Variants in ANKRD13A observed in about 807,000 individuals in gnomAD.
ANKRD13A encodes ankyrin repeat domain-containing protein 13A.
ANKRD13A carries 48 observed loss-of-function variants against 81.3 expected under a neutral mutation model. That is an observed-to-expected ratio of 0.59 (90% CI 0.47 to 0.75). ANKRD13A has a LOEUF of 0.75. Ranked by LOEUF, ANKRD13A falls within the 30% of genes least tolerant of loss-of-function variation. The pLI is 0.00. For missense variants in ANKRD13A, 612 were observed against 734.0 expected, an observed-to-expected ratio of 0.83 and a Z score of 1.92; for synonymous variants, 230 against 270.1, an observed-to-expected ratio of 0.85 and a Z score of 1.45.
At position 110,037,692 on chromosome 12, in the gene ANKRD13A, G is replaced by C. The variant is rs1892148518; in HGVS notation, c.*138G>C. On this transcript the variant is annotated 3_prime_UTR_variant, in exon 15 of 15. Coordinates refer to ENST00000261739, the MANE Select transcript of ANKRD13A (RefSeq NM_033121.2). ...AACAACTGCCCCTTCTTTATGCAGA[G>C]GTGCAGAACCAGGGACTCCTGGGCC... 1 of 878,786 alleles carries C rather than the reference G, an allele frequency of 1.1e-6. No individual in the cohort carries two copies. Among genetic ancestry groups the C allele is most frequent in the Admixed American group, 2.9e-5 (1 of 33,936 alleles). The allele number at this position is 878,786 out of a possible 1,614,324, so 54.4% of individuals were successfully genotyped here.
chr12:109,999,546 C>G lies in ANKRD13A; in HGVS notation c.-143C>G. 1.9e-6 allele frequency: 1 copy of G among 539,916 alleles called. No homozygotes were observed. The highest frequency in any genetic ancestry group is 2.8e-6 in the Non-Finnish European group (1 of 361,192). The allele number at this position is 539,916 out of a possible 1,614,324, so 33.4% of individuals were successfully genotyped here. On this transcript the variant is annotated 5_prime_UTR_variant, in exon 1 of 15. Coordinates refer to ENST00000261739, the MANE Select transcript of ANKRD13A (RefSeq NM_033121.2). The surrounding 1 kb of genome is among the most constrained non-coding windows in gnomAD (Gnocchi z 4.3). ...CCCGGACCTCCCGCGCGCCCCGCACCCGACCGGCTCAGCCGGCCGGCAGCG... is the reference window on the plus strand; with the variant it reads ...CCCGGACCTCCCGCGCGCCCCGCACGCGACCGGCTCAGCCGGCCGGCAGCG...
Position 109,999,799 on chromosome 12 carries a change from G to A in ANKRD13A, c.96+15G>A. 6.6e-7 allele frequency: 1 copy of A among 1,525,458 alleles called. No homozygotes were observed. The highest frequency in any genetic ancestry group is 1.4e-5 in the African/African-American group (1 of 71,674). 94.5% of individuals were successfully genotyped at this position (1,525,458 alleles called of 1,614,324 possible). A position where few individuals can be genotyped will look rare whatever the true frequency, so the allele number is the denominator to read the frequency against. On this transcript the variant is annotated intron_variant, in intron 1 of 14. Transcript: ENST00000261739. This position sits in a 1 kb window ranked among gnomAD's most constrained non-coding sequence, Gnocchi z 4.3. ...TGCAGGGCCAGGTGAGGGGCGGGGCGGGGGTCCGTCTCCCGGTGGGGACTT... is the reference window on the plus strand; with the variant it reads ...TGCAGGGCCAGGTGAGGGGCGGGGCAGGGGTCCGTCTCCCGGTGGGGACTT...
chr12:110,037,883 AAAT>A lies in ANKRD13A; in HGVS notation c.*330_*332del, dbSNP rs1462934358. The A allele has an allele frequency of 5.3e-6, 1 of 188,932 alleles. No individual in the cohort carries two copies. Among genetic ancestry groups the A allele is most frequent in the African/African-American group, 2.3e-5 (1 of 42,710 alleles). 11.7% of individuals were successfully genotyped at this position (188,932 alleles called of 1,614,324 possible). A position where few individuals can be genotyped will look rare whatever the true frequency, so the allele number is the denominator to read the frequency against. ...CCCCAATCCCCGCAGGTTTGTAGATAAATTTTTATCAAGGAGTGATAACAAGAC... is the reference window on the plus strand; with the variant it reads ...CCCCAATCCCCGCAGGTTTGTAGATATTTTATCAAGGAGTGATAACAAGAC... On this transcript the variant is annotated 3_prime_UTR_variant, in exon 15 of 15. Coordinates refer to ENST00000261739, the MANE Select transcript of ANKRD13A (RefSeq NM_033121.2).
At chr12:110,037,039 G>A (rs776615008) in intron 14 of ANKRD13A, among the ~76,000 whole-genome samples, 4 of 152,308 alleles carry the variant, frequency 2.6e-5, no homozygotes, top group Admixed American at 1.3e-4. Flanking sequence ...GGGAAAAACC[G>A]CGAGGATTCA....
At chr12:110,019,694 G>A (rs56249481) in intron 6 of ANKRD13A, among the ~76,000 whole-genome samples, 9 of 152,210 alleles carry the variant, frequency 5.9e-5, no homozygotes, top group Non-Finnish European at 1.3e-4. Flanking sequence ...AGTTTCTGGA[G>A]GTTAGAATTG....
chr12:110,005,500 C>T (rs1288799811), intron 1 of ANKRD13A, among the ~76,000 whole-genome samples: 3 of 152,196 alleles, frequency 2.0e-5, no homozygotes, highest in Non-Finnish European at 4.4e-5. Flanking sequence ...CTCCCCAACC[C>T]CTCCAGCCCA....
intron 10 of ANKRD13A, chr12:110,029,072 T>A (rs1001251619): frequency 1.7e-5 from 3 of 177,812 alleles, no homozygotes; most frequent in Non-Finnish European, 3.6e-5. Context: ...ATTTTAAAAT[T>A]ACTTTGCCAT....
intron 4 of ANKRD13A, among the ~76,000 whole-genome samples, chr12:110,017,783 T>C (rs919660765): frequency 2.0e-5 from 3 of 151,984 alleles, no homozygotes; most frequent in Admixed American, 1.3e-4. Context: ...AATACAAAAA[T>C]TAGCCGGGCA....
rs1889843637 is a variant in ANKRD13A at position 109,999,720 on chromosome 12, AC to A, written c.37del (p.Leu13CysfsTer4). 1.3e-6 allele frequency: 2 copies of A among 1,530,802 alleles called. No individual in the cohort carries two copies. The highest frequency in any genetic ancestry group is 2.8e-5 in the African/African-American group (2 of 71,004). The allele number at this position is 1,530,802 out of a possible 1,614,324, so 94.8% of individuals were successfully genotyped here. A position where few individuals can be genotyped will look rare whatever the true frequency, so the allele number is the denominator to read the frequency against. On this transcript the variant is annotated frameshift_variant, in exon 1 of 15. Coordinates refer to ENST00000261739, the MANE Select transcript of ANKRD13A (RefSeq NM_033121.2). LOFTEE classifies it high-confidence loss of function. The surrounding 1 kb of genome is among the most constrained non-coding windows in gnomAD (Gnocchi z 4.3). MSSACDAGDH[Y>X]PLHLLVWKND... is the part of the protein sequence containing the mutation. ...TCGGCCTGCGACGCGGGCGACCACT[AC>A]CCCCTGCACCTCCTAGTCTGGAAAA...
rs368511846 is a variant in ANKRD13A, at chr12:110,019,243, A to T, written c.649A>T (p.Lys217Ter). The T allele has an allele frequency of 6.2e-7, 1 of 1,614,168 alleles. No homozygotes were observed. Among genetic ancestry groups the T allele is most frequent in the Non-Finnish European group, 8.5e-7 (1 of 1,179,996 alleles). ...GGAGCGCCTCACTCTGGACTTGATG[A>T]AGCCAAAAAGCAGGGAAGTTGAGCG... ...EMERLTLDLM[K>*]PKSREVERRL... The change falls in exon 6 of 15, where the codon AAG (lysine) becomes TAG (stop). Residue 217 changes from lysine to a stop codon, truncating the protein, a stop_gained. Transcript: ENST00000261739. LOFTEE classifies it high-confidence loss of function.
Position 109,999,848 on chromosome 12 carries a change from C to T in ANKRD13A, c.96+64C>T. Reference sequence around the variant, plus strand: ...TTCGGGGAATCGGGGGTCGTTTCGCCTCCCTGAGCCCATTTCCAGCCCTCT... The same window carrying T: ...TTCGGGGAATCGGGGGTCGTTTCGCTTCCCTGAGCCCATTTCCAGCCCTCT... On this transcript the variant is annotated intron_variant, in intron 1 of 14. Coordinates refer to ENST00000261739, the MANE Select transcript of ANKRD13A (RefSeq NM_033121.2). This position sits in a 1 kb window ranked among gnomAD's most constrained non-coding sequence, Gnocchi z 4.3. 7.2e-7 allele frequency: 1 copy of T among 1,395,104 alleles called. No individual in the cohort carries two copies. The allele number at this position is 1,395,104 out of a possible 1,614,324, so 86.4% of individuals were successfully genotyped here. A position where few individuals can be genotyped will look rare whatever the true frequency, so the allele number is the denominator to read the frequency against.
In ANKRD13A at chr12:110,019,228, A is replaced by G; in HGVS notation, c.634A>G (p.Thr212Ala). Residue 212 changes from threonine (T) to alanine (A), a missense_variant, in exon 6 of 15, where the codon ACT becomes GCT. Transcript: ENST00000261739. ...CCTTTCCCAAGAAATGGAGCGCCTCACTCTGGACTTGATGAAGCCAAAAAG... is the reference window on the plus strand; with the variant it reads ...CCTTTCCCAAGAAATGGAGCGCCTCGCTCTGGACTTGATGAAGCCAAAAAG... ...FDLSQEMERL[T>A]LDLMKPKSRE... is the part of the protein sequence containing the mutation. 2.5e-6 allele frequency: 4 copies of G among 1,614,092 alleles called. No homozygotes were observed. Among genetic ancestry groups the G allele is most frequent in the Non-Finnish European group, 3.4e-6 (4 of 1,179,956 alleles).
At chr12:110,035,865 C>T (rs895583032) in intron 13 of ANKRD13A, among the ~76,000 whole-genome samples, 1 of 152,100 alleles carries the variant, frequency 6.6e-6, no homozygotes, top group Non-Finnish European at 1.5e-5. Context: ...CAGTGAGCTA[C>T]GATCACATCA....
chr12:110,036,712 T>G lies in ANKRD13A; in HGVS notation c.1577+384T>G, dbSNP rs1246348438. Among the ~76,000 whole-genome samples, 1 of 151,898 alleles carries G rather than the reference T, an allele frequency of 6.6e-6. No homozygotes were observed. Among genetic ancestry groups the G allele is most frequent in the Non-Finnish European group, 1.5e-5 (1 of 67,972 alleles). On this transcript the variant is annotated intron_variant, in intron 14 of 14. Transcript: ENST00000261739. This position sits in a 1 kb window ranked among gnomAD's most constrained non-coding sequence, Gnocchi z 4.6. ...TTGCAGTGAGCCGAGATCGCGCCAC[T>G]GCACTCCAGCCTGGGCGATAGAGCG...
intron 2 of ANKRD13A, among the ~76,000 whole-genome samples, chr12:110,012,721 T>C (rs902475579): frequency 1.3e-5 from 2 of 152,152 alleles, no homozygotes; most frequent in Admixed American, 6.5e-5. Context: ...TCACTTCACT[T>C]GTTTGTAAGC....
At chr12:110,006,221 C>T (rs567949204) in intron 1 of ANKRD13A, among the ~76,000 whole-genome samples, 67 of 152,226 alleles carry the variant, frequency 4.4e-4, no homozygotes, top group African/African-American at 1.5e-3. Context: ...TAACTTTTTG[C>T]GGAACTGCCA....
Position 110,018,476 on chromosome 12 carries a change from T to C in ANKRD13A, c.532T>C (p.Phe178Leu), listed in dbSNP as rs376855837. The change falls in exon 5 of 15, where the codon TTT becomes CTT. Residue 178 changes from phenylalanine (F) to leucine (L), a missense_variant. Physicochemically the swap from Phe to Leu is conservative, Grantham distance 22. Coordinates refer to ENST00000261739, the MANE Select transcript of ANKRD13A (RefSeq NM_033121.2). This position sits in a 1 kb window ranked among gnomAD's most constrained non-coding sequence, Gnocchi z 4.4. ...GATAAGAGGGAGGCGTAGTTTTATA[T>C]TTAAGGGAGAAGGTGAGTGACTTCT... ...SWIRGRRSFI[F>L]KGEDNWAELM... 6.2e-7 allele frequency: 1 copy of C among 1,614,070 alleles called. No homozygotes were observed. The highest frequency in any genetic ancestry group is 1.3e-5 in the African/African-American group (1 of 75,060).
intron 4 of ANKRD13A, among the ~76,000 whole-genome samples, chr12:110,017,414 T>C (rs1890851874): frequency 6.6e-6 from 1 of 152,226 alleles, no homozygotes; most frequent in Non-Finnish European, 1.5e-5. Flanking sequence ...TATATTTCCA[T>C]AGATGTTCTA....
At chr12:110,034,497 C>T (rs1891906253) in intron 13 of ANKRD13A, among the ~76,000 whole-genome samples, 1 of 152,176 alleles carries the variant, frequency 6.6e-6, no homozygotes, top group Middle Eastern at 3.4e-3. Flanking sequence ...GTGGCTGTTC[C>T]CCGGCATGAT....
Sources: gnomAD v4.1 joint callset for allele counts (sites outside exome capture counted in the v4.1 genomes callset) on GRCh38, gnomAD v4.1.1 for gene constraint, Gnocchi (gnomAD v3.1) non-coding constraint, MANE v1.5 for transcripts, NCBI Gene and HGNC (gene_info 2026-07-23, HGNC 2026-07-21) for gene names.